The following KNDC1 variants were observed in gnomAD, a reference collection of about 807,000 sequenced individuals.
KNDC1 encodes kinase non-catalytic C-lobe domain-containing protein 1.
In KNDC1, 106 loss-of-function variants were observed where a neutral mutation model predicts 172.8. That is an observed-to-expected ratio of 0.61 (90% CI 0.52 to 0.72). The LOEUF (loss-of-function observed/expected upper bound fraction) is 0.72, where lower values mean the gene tolerates loss of function less well. Among genes scored for constraint, KNDC1 ranks in the 30% least tolerant of loss-of-function variants. The pLI is 0.00. For synonymous variants in KNDC1, 1,083 were observed against 1,062.2 expected (o/e 1.02, Z -0.38); for missense variants, 2,325 against 2,394.5 (o/e 0.97, Z 0.61).
chr10:133,168,708 C>T (rs1422207961), intron 3 of KNDC1, among the ~76,000 whole-genome samples: 1 of 152,252 alleles, frequency 6.6e-6, no homozygotes, highest in Non-Finnish European at 1.5e-5. Context: ...CAGGGAATCA[C>T]AGCTCCTCTG....
rs547441849 is a variant in KNDC1 at position 133,163,565 on chromosome 10, C to T, written c.102+2996C>T. ...GAGGCCTGGGGATTGGCAGCCAGTG[C>T]TCCCAGCTGTGATTGGAGTTTTGTA... On this transcript the variant is annotated intron_variant, in intron 1 of 29. Coordinates refer to ENST00000304613, the MANE Select transcript of KNDC1 (RefSeq NM_152643.8). This position sits in a 1 kb window ranked among gnomAD's most constrained non-coding sequence, Gnocchi z 4.4. Among the ~76,000 whole-genome samples, 3 of 152,254 alleles carry T rather than the reference C, an allele frequency of 2.0e-5. No individual in the cohort carries two copies. The East Asian group carries it at 5.8e-4, about 29-fold the overall frequency.
At chr10:133,177,648 T>C (rs539755526) in intron 3 of KNDC1, among the ~76,000 whole-genome samples, 1 of 151,980 alleles carries the variant, frequency 6.6e-6, no homozygotes, top group Admixed American at 6.5e-5. Context: ...GTGTGTTGCA[T>C]GATGTGTACA....
intron 1 of KNDC1, among the ~76,000 whole-genome samples, chr10:133,165,683 A>G (rs757152414): frequency 1.8e-4 from 27 of 152,184 alleles, no homozygotes; most frequent in Non-Finnish European, 3.4e-4. Flanking sequence ...CTGCGTGTGC[A>G]GGTGCATGGG....
chr10:133,161,993 A>C (rs1249182863), intron 1 of KNDC1, among the ~76,000 whole-genome samples: 2 of 151,924 alleles, frequency 1.3e-5, no homozygotes, highest in Non-Finnish European at 2.9e-5. Flanking sequence ...CCCCACCCCC[A>C]CGCACACACC....
At chr10:133,206,608 G>T in intron 17 of KNDC1, 77 bp from the exon 18 acceptor site, 1 of 1,186,788 alleles carries the variant, frequency 8.4e-7, no homozygotes, top group Non-Finnish European at 1.3e-6. Flanking sequence ...AGGCCCCAGT[G>T]GGGTGGGGCC....
Position 133,201,699 on chromosome 10 carries a change from T to C in KNDC1, c.3188T>C (p.Val1063Ala). The C allele has an allele frequency of 6.2e-7, 1 of 1,611,528 alleles. No homozygotes were observed. The highest frequency in any genetic ancestry group is 8.5e-7 in the Non-Finnish European group (1 of 1,179,384). The change falls in exon 17 of 30, where the codon GTG becomes GCG. Residue 1063 changes from valine (V) to alanine (A), a missense_variant. Val to Ala is a moderately conservative substitution (Grantham distance 64, BLOSUM62 0). Transcript: ENST00000304613. ...CGGCCAGCTGGCGGGGCCTCAGACG[T>C]GGAGGCAGTGACCCGACTGGCCAGG... ...DRRPAGGASD[V>A]EAVTRLARSK...
intron 9 of KNDC1, 74 bp downstream of exon 9, chr10:133,189,887 G>A (rs944589702): frequency 1.1e-5 from 14 of 1,239,610 alleles, no homozygotes; most frequent in Admixed American, 5.7e-5. Context: ...CATCTGTCCA[G>A]CAGCCCCCCA....
At chr10:133,211,388 T>C in intron 21 of KNDC1, 34 bp from the exon 22 acceptor site, 1 of 1,600,998 alleles carries the variant, frequency 6.2e-7, no homozygotes, top group Non-Finnish European at 8.5e-7. Flanking sequence ...GACTCCCACA[T>C]CCTGGCAGCT....
Position 133,195,892 on chromosome 10 carries a change from T to TA in KNDC1, c.1734+71_1734+72insA, listed in dbSNP as rs540109896. The TA allele has an allele frequency of 2.5e-5, 35 of 1,397,924 alleles. No homozygotes were observed. The South Asian group carries it at 4.7e-4, about 19-fold the overall frequency. The allele number at this position is 1,397,924 out of a possible 1,614,324, so 86.6% of individuals were successfully genotyped here. A position where few individuals can be genotyped will look rare whatever the true frequency, so the allele number is the denominator to read the frequency against. On this transcript the variant is annotated intron_variant, in intron 10 of 29. Coordinates refer to ENST00000304613, the MANE Select transcript of KNDC1 (RefSeq NM_152643.8). ...TGGGCAGTGGCCGCCCTCGCTGAGC[T>TA]GGGGGTGGAGGAGCACGGGCTGCCA...
intron 6 of KNDC1, 61 bp downstream of exon 6, chr10:133,186,735 G>T: frequency 8.2e-7 from 1 of 1,219,006 alleles, no homozygotes; most frequent in Non-Finnish European, 1.1e-6. Flanking sequence ...CCGGGGCCGG[G>T]CCTCTCCACA....
chr10:133,198,333 C>T lies in KNDC1; in HGVS notation c.1907-4C>T. On this transcript the variant is annotated splice_polypyrimidine_tract_variant and splice_region_variant and intron_variant, in intron 12 of 29. Transcript: ENST00000304613. ...CCCACACCCTCAGCCCCCTGGCTCC[C>T]CAGGCTTCCTGCCGGTGAACAGCGA... The T allele has an allele frequency of 1.3e-6, 2 of 1,567,638 alleles. No individual in the cohort carries two copies. The highest frequency in any genetic ancestry group is 1.7e-4 in the Middle Eastern group (1 of 5,988).
chr10:133,199,413 A>G (rs1854299840), intron 14 of KNDC1, 45 bp from the exon 15 acceptor site: 1 of 1,600,952 alleles, frequency 6.2e-7, no homozygotes, highest in African/African-American at 1.3e-5. Context: ...CCAGATGAGC[A>G]GCCCTGCCAC....
At position 133,210,728 on chromosome 10, in the gene KNDC1, C is replaced by G; in HGVS notation, c.3908+4C>G. On this transcript the variant is annotated splice_donor_region_variant and intron_variant, in intron 21 of 29. Coordinates refer to ENST00000304613, the MANE Select transcript of KNDC1 (RefSeq NM_152643.8). ...GCATCAACAGCACGCTGACCAGGTA[C>G]CAAGCTCCACAGCTCCACGCCCGCC... 6.2e-7 allele frequency: 1 copy of G among 1,605,314 alleles called. No individual in the cohort carries two copies. The highest frequency in any genetic ancestry group is 8.5e-7 in the Non-Finnish European group (1 of 1,171,944).
chr10:133,212,061 C>T (rs937663444), intron 23 of KNDC1, among the ~76,000 whole-genome samples: 2 of 152,194 alleles, frequency 1.3e-5, no homozygotes, highest in African/African-American at 4.8e-5. Context: ...TCCACACGTG[C>T]ACATATGCAT....
chr10:133,185,494 G>GGCAGTGTGTGCAGTGTGGAGTTT (rs1554914055), intron 5 of KNDC1, among the ~76,000 whole-genome samples: 2,083 of 48,784 alleles, frequency 0.043, 313 homozygotes, highest in South Asian at 0.12. Flanking sequence ...GTGTGGAGTA[G>GGCAGTGTGTGCAGTGTGGAGTTT]GCAGTGTGTG....
In KNDC1 at chr10:133,160,392, G is replaced by T; in HGVS notation, c.-76G>T. 1.2e-6 allele frequency: 1 copy of T among 843,670 alleles called. No individual in the cohort carries two copies. Among genetic ancestry groups the T allele is most frequent in the South Asian group, 3.8e-5 (1 of 26,382 alleles). 52.3% of individuals were successfully genotyped at this position (843,670 alleles called of 1,614,324 possible). On this transcript the variant is annotated 5_prime_UTR_variant, in exon 1 of 30. An upstream open reading frame in the 5' UTR gains an earlier in-frame stop. Coordinates refer to ENST00000304613, the MANE Select transcript of KNDC1 (RefSeq NM_152643.8). ...GGCGAGGGCCGGGCGCGTCTCCATG[G>T]AGCCAGGGCGCGCGTAGCCGAGCCC...
In KNDC1 at chr10:133,188,684, C is replaced by T. The variant is rs1164687357; in HGVS notation, c.1441+31C>T. On this transcript the variant is annotated intron_variant, in intron 7 of 29. Transcript: ENST00000304613. ...GCACGCACCATCCCATCCCCCCCGC[C>T]GTCCCCACCCCCCACTGCTGTTCCA... is the stretch of plus-strand genomic sequence containing the variant. The T allele has an allele frequency of 7.6e-6, 9 of 1,187,944 alleles. 1 individual carries two copies. Among genetic ancestry groups the T allele is most frequent in the African/African-American group, 3.3e-5 (2 of 61,020 alleles). The allele number at this position is 1,187,944 out of a possible 1,614,324, so 73.6% of individuals were successfully genotyped here. A position where few individuals can be genotyped will look rare whatever the true frequency, so the allele number is the denominator to read the frequency against.
At chr10:133,180,783 A>G (rs1208426574) in intron 3 of KNDC1, among the ~76,000 whole-genome samples, 1 of 152,250 alleles carries the variant, frequency 6.6e-6, no homozygotes, top group Non-Finnish European at 1.5e-5. Flanking sequence ...TCAGCGGAGA[A>G]AGCATAGTCC....
chr10:133,181,858 A>ACACACACACACACC (rs1224363924), intron 3 of KNDC1, among the ~76,000 whole-genome samples: 1 of 148,458 alleles, frequency 6.7e-6, no homozygotes, highest in East Asian at 1.9e-4. Context: ...ACACACACAC[A>ACACACACACACACC]CACCAGACTG....
Sources: allele counts gnomAD v4.1 joint callset (sites outside exome capture counted in the v4.1 genomes callset), GRCh38; gene constraint gnomAD v4.1.1; non-coding constraint Gnocchi (gnomAD v3.1); transcripts MANE v1.5; gene names NCBI Gene and HGNC (gene_info 2026-07-23, HGNC 2026-07-21).